Variants in LTAP1 observed in about 807,000 individuals in gnomAD.
The protein encoded by LTAP1 is lipid transport auxiliary protein 1, also known as HCV NS5A-transactivated protein 4.
the LTAP1 span, among the ~76,000 whole-genome samples, chr1:154,215,869 G>A: frequency 2.8e-5 from 4 of 142,914 alleles, no homozygotes; most frequent in African/African-American, 5.4e-5. Context: ...ACGGAGTCTC[G>A]CTCTGTCGCC....
the LTAP1 span, among the ~76,000 whole-genome samples, chr1:154,216,511 ATT>A: frequency 7.0e-6 from 1 of 143,136 alleles, no homozygotes; most frequent in African/African-American, 2.6e-5. Flanking sequence ...ATTATTAAAC[ATT>A]TTTTTTTTTT....
the LTAP1 span, among the ~76,000 whole-genome samples, chr1:154,217,269 A>G: frequency 1.0e-3 from 157 of 152,190 alleles, no homozygotes; most frequent in African/African-American, 3.7e-3. Context: ...AATATACTTT[A>G]TTGAGGTTGA....
the LTAP1 span, among the ~76,000 whole-genome samples, chr1:154,210,028 C>T: frequency 6.6e-6 from 1 of 151,888 alleles, no homozygotes; most frequent in Non-Finnish European, 1.5e-5. Flanking sequence ...AGCTGGCCTT[C>T]TAAGCAGTTT....
At chr1:154,212,741 A>T in the LTAP1 span, 2 of 1,086,966 alleles carry the variant, frequency 1.8e-6, no homozygotes, top group East Asian at 5.1e-5. Context: ...GGCTCACTGC[A>T]ACCTCCACCT....
At chr1:154,212,245 G>T in the LTAP1 span, 1 of 1,468,520 alleles carries the variant, frequency 6.8e-7, no homozygotes, top group Non-Finnish European at 9.5e-7. Context: ...TATGCTTTAT[G>T]AAGGTCACTG....
At chr1:154,219,815 A>G in the LTAP1 span, 2 of 1,532,750 alleles carry the variant, frequency 1.3e-6, no homozygotes, top group Non-Finnish European at 1.8e-6. Context: ...AGTATGTTTA[A>G]CTTGTGCCCT....
the LTAP1 span, among the ~76,000 whole-genome samples, chr1:154,218,844 T>C: frequency 1.3e-5 from 2 of 152,068 alleles, no homozygotes; most frequent in Admixed American, 1.3e-4. Context: ...TTATGGTAAA[T>C]GCTATGAAGG....
chr1:154,212,516 C>A, the LTAP1 span: 1 of 1,614,036 alleles, frequency 6.2e-7, no homozygotes, highest in Non-Finnish European at 8.5e-7. Context: ...GAGTGCTTTG[C>A]GTACACCCTT....
chr1:154,209,512 G>A, the LTAP1 span, among the ~76,000 whole-genome samples: 2 of 144,848 alleles, frequency 1.4e-5, no homozygotes, highest in Non-Finnish European at 3.0e-5. Flanking sequence ...TGCAACCTCT[G>A]CCTCCCAGGC....
the LTAP1 span, among the ~76,000 whole-genome samples, chr1:154,219,353 T>C: frequency 6.6e-6 from 1 of 152,224 alleles, no homozygotes; most frequent in African/African-American, 2.4e-5. Context: ...CACTGGGTTA[T>C]TCACTTCCTA....
the LTAP1 span, chr1:154,220,454 T>C: frequency 1.9e-6 from 3 of 1,608,598 alleles, no homozygotes. Flanking sequence ...CCCGCTGTCC[T>C]GGCTGGTCAG....
the LTAP1 span, among the ~76,000 whole-genome samples, chr1:154,211,477 C>T: frequency 2.6e-5 from 4 of 151,096 alleles, no homozygotes; most frequent in Non-Finnish European, 4.4e-5. Flanking sequence ...GCTGAGATTA[C>T]AGGCACGCAC....
At chr1:154,220,277 C>T in the LTAP1 span, 2 of 1,585,124 alleles carry the variant, frequency 1.3e-6, no homozygotes, top group Admixed American at 3.3e-5. Context: ...CGGGGTACAG[C>T]TCAAAAGGAG....
At chr1:154,212,750 C>G in the LTAP1 span, 1 of 1,018,760 alleles carries the variant, frequency 9.8e-7, no homozygotes, top group Non-Finnish European at 1.4e-6. Flanking sequence ...CAACCTCCAC[C>G]TCCTAGGTTT....
At chr1:154,212,641 A>C in the LTAP1 span, 1 of 1,613,312 alleles carries the variant, frequency 6.2e-7, no homozygotes, top group Non-Finnish European at 8.5e-7. Flanking sequence ...AGAAAACAGC[A>C]CAATGATATC....
chr1:154,217,103 C>T, the LTAP1 span, among the ~76,000 whole-genome samples: 5 of 151,820 alleles, frequency 3.3e-5, no homozygotes, highest in East Asian at 1.9e-4. Flanking sequence ...CACACCGCCA[C>T]GCCCAGCTAA....
the LTAP1 span, among the ~76,000 whole-genome samples, chr1:154,213,706 G>A: frequency 4.4e-3 from 677 of 152,250 alleles, 6 homozygotes; most frequent in African/African-American, 0.01. Flanking sequence ...AGACTCTTTG[G>A]AGAATAACCT....
At chr1:154,208,472 G>A in the LTAP1 span, 3 of 152,126 alleles carry the variant, frequency 2.0e-5, no homozygotes, top group Non-Finnish European at 4.4e-5. Flanking sequence ...TGGGTACCCT[G>A]ACACACACCT....
At chr1:154,218,239 C>T in the LTAP1 span, among the ~76,000 whole-genome samples, 1 of 152,156 alleles carries the variant, frequency 6.6e-6, no homozygotes, top group Admixed American at 6.5e-5. Flanking sequence ...AACTGTTGGA[C>T]CATGGATTAG....
Sources: gnomAD v4.1 joint callset for allele counts (sites outside exome capture counted in the v4.1 genomes callset) on GRCh38, gnomAD v4.1.1 for gene constraint, MANE v1.5 for transcripts, NCBI Gene and HGNC (gene_info 2026-07-23, HGNC 2026-07-21) for gene names.